Variants in GABRB2 observed in about 807,000 individuals in gnomAD.
GABRB2 encodes the protein gamma-aminobutyric acid receptor subunit beta-2.
A neutral mutation model predicts 54.7 loss-of-function variants in GABRB2; 16 were observed. The observed-to-expected ratio is 0.29, with a 90% CI of 0.20 to 0.44. GABRB2 has a LOEUF of 0.44. GABRB2 is among the 20% of genes least tolerant of loss of function. GABRB2 has a pLI of 1.00. For missense variants in GABRB2, 355 were observed against 644.0 expected, an observed-to-expected ratio of 0.55 and a Z score of 4.86; for synonymous variants, 244 against 233.8, an observed-to-expected ratio of 1.04 and a Z score of -0.40.
chr5:161,374,511 A>G (rs1414918894), intron 5 of GABRB2, among the ~76,000 whole-genome samples: 1 of 152,186 alleles, frequency 6.6e-6, no homozygotes, highest in Non-Finnish European at 1.5e-5. Context: ...AGATCCAATC[A>G]TTTCTTACAA....
intron 4 of GABRB2, among the ~76,000 whole-genome samples, chr5:161,440,937 C>G (rs1374582094): frequency 6.6e-6 from 1 of 152,062 alleles, no homozygotes; most frequent in Non-Finnish European, 1.5e-5. Context: ...TAAACTAGAC[C>G]CCTATGTATC....
At chr5:161,493,978 A>G (rs1759152738) in intron 3 of GABRB2, among the ~76,000 whole-genome samples, 2 of 151,754 alleles carry the variant, frequency 1.3e-5, no homozygotes, top group Admixed American at 1.3e-4. Flanking sequence ...TGATTCCACA[A>G]TGTGTACATA....
intron 4 of GABRB2, among the ~76,000 whole-genome samples, chr5:161,440,846 G>C (rs1159943663): frequency 6.6e-6 from 1 of 152,040 alleles, no homozygotes; most frequent in Non-Finnish European, 1.5e-5. Context: ...TTTGACAAAG[G>C]TGCCTATAAC....
At chr5:161,463,500 A>G (rs1196230461) in intron 3 of GABRB2, among the ~76,000 whole-genome samples, 1 of 141,344 alleles carries the variant, frequency 7.1e-6, no homozygotes, top group African/African-American at 2.6e-5. Flanking sequence ...TTCATTTCAA[A>G]CCCTATCAGG....
intron 3 of GABRB2, among the ~76,000 whole-genome samples, chr5:161,491,085 C>T (rs1003419076): frequency 1.3e-5 from 2 of 151,548 alleles, no homozygotes; most frequent in African/African-American, 2.4e-5. Flanking sequence ...TAATACTTAC[C>T]AAATATGCCC....
At chr5:161,435,307 A>G (rs1200938105) in intron 4 of GABRB2, among the ~76,000 whole-genome samples, 2 of 152,208 alleles carry the variant, frequency 1.3e-5, no homozygotes, top group African/African-American at 4.8e-5. Context: ...AATATGGTAG[A>G]TTATGTAGCC....
At chr5:161,474,453 GT>G (rs1334477086) in intron 3 of GABRB2, among the ~76,000 whole-genome samples, 6 of 151,776 alleles carry the variant, frequency 4.0e-5, no homozygotes, top group African/African-American at 1.4e-4. Flanking sequence ...AATTTTCTTT[GT>G]TACATTTTAA....
Position 161,288,477 on chromosome 5 carries a change from C to G in GABRB2, c.*5604G>C, listed in dbSNP as rs1580948464. 5 of 152,704 alleles carry G rather than the reference C, an allele frequency of 3.3e-5. 1 individual carries two copies. The highest frequency in any genetic ancestry group is 3.3e-4 in the Admixed American group (5 of 15,288). The allele number at this position is 152,704 out of a possible 1,614,324, so 9.5% of individuals were successfully genotyped here. A position where few individuals can be genotyped will look rare whatever the true frequency, so the allele number is the denominator to read the frequency against. The stretch of plus-strand genomic sequence containing the variant: ...TATTTCTTAGTTCAAGAATTACACA[C>G]TAGCCAACATTATTATATATTTACA... On this transcript the variant is annotated 3_prime_UTR_variant, in exon 10 of 10. Coordinates refer to ENST00000393959, the MANE Select transcript of GABRB2 (RefSeq NM_001371727.1).
At chr5:161,333,050 T>G (rs1307727843) in intron 7 of GABRB2, among the ~76,000 whole-genome samples, 1 of 152,220 alleles carries the variant, frequency 6.6e-6, no homozygotes, top group East Asian at 1.9e-4. Context: ...TTGCTGATTT[T>G]ACTACTTATC....
intron 9 of GABRB2, among the ~76,000 whole-genome samples, chr5:161,295,388 T>G (rs1001003230): frequency 6.6e-6 from 1 of 152,238 alleles, no homozygotes; most frequent in African/African-American, 2.4e-5. Context: ...AGGGAAGATT[T>G]GTATGCCTTA....
At chr5:161,506,522 G>C (rs1455881091) in intron 3 of GABRB2, among the ~76,000 whole-genome samples, 2 of 152,006 alleles carry the variant, frequency 1.3e-5, no homozygotes, top group Non-Finnish European at 2.9e-5. Flanking sequence ...TCCACACATT[G>C]TTGTTTTTGT....
At chr5:161,365,675 A>G (rs191350984) in intron 5 of GABRB2, among the ~76,000 whole-genome samples, 8 of 152,282 alleles carry the variant, frequency 5.3e-5, no homozygotes, top group Admixed American at 5.2e-4. Flanking sequence ...TGGAGAGGTT[A>G]AGATATCTGC....
intron 5 of GABRB2, among the ~76,000 whole-genome samples, chr5:161,361,403 A>G (rs1223280078): frequency 6.6e-6 from 1 of 152,096 alleles, no homozygotes; most frequent in Non-Finnish European, 1.5e-5. Flanking sequence ...AGAAATACTT[A>G]TGGATATAAT....
chr5:161,331,841 T>A (rs1372012791), intron 7 of GABRB2, among the ~76,000 whole-genome samples: 1 of 151,854 alleles, frequency 6.6e-6, no homozygotes, highest in Admixed American at 6.6e-5. Context: ...ACAGTGTGGA[T>A]GATGGGGAGA....
chr5:161,541,837 T>A (rs1760828069), intron 3 of GABRB2, among the ~76,000 whole-genome samples: 1 of 152,244 alleles, frequency 6.6e-6, no homozygotes, highest in African/African-American at 2.4e-5. Context: ...GACTACCACT[T>A]TCAATTTCCT....
At position 161,374,261 on chromosome 5, in the gene GABRB2, G is replaced by C. The variant is rs376992321; in HGVS notation, c.541+36714C>G. Among the ~76,000 whole-genome samples, 11 of 152,140 alleles carry C rather than the reference G, an allele frequency of 7.2e-5. No homozygotes were observed. In the East Asian group the frequency reaches 1.7e-3, roughly 24 times the overall value. On this transcript the variant is annotated intron_variant, in intron 5 of 9. Transcript: ENST00000393959. Reference sequence around the variant, plus strand: ...GCCTGGCCCCAGTCTTCTCTTTTGAGCTCTATCCTATTGAATCCAAGTGCC... The same window carrying C: ...GCCTGGCCCCAGTCTTCTCTTTTGACCTCTATCCTATTGAATCCAAGTGCC...
intron 4 of GABRB2, among the ~76,000 whole-genome samples, chr5:161,415,418 T>C (rs1364319463): frequency 2.0e-5 from 3 of 152,202 alleles, no homozygotes; most frequent in Non-Finnish European, 4.4e-5. Context: ...AATTGTATCG[T>C]AAAATATTAA....
At chr5:161,533,939 GC>G (rs1581064803) in intron 3 of GABRB2, among the ~76,000 whole-genome samples, 1 of 152,028 alleles carries the variant, frequency 6.6e-6, no homozygotes, top group South Asian at 2.1e-4. Flanking sequence ...GGTAATATAG[GC>G]AAGTGAAAAC....
chr5:161,449,253 C>G (rs1267473220), intron 4 of GABRB2, among the ~76,000 whole-genome samples: 1 of 152,148 alleles, frequency 6.6e-6, no homozygotes, highest in Non-Finnish European at 1.5e-5. Context: ...TCTCAGTTTC[C>G]TCAGCTATAA....
Sources: allele counts gnomAD v4.1 joint callset (sites outside exome capture counted in the v4.1 genomes callset), GRCh38; gene constraint gnomAD v4.1.1; transcripts MANE v1.5; gene names NCBI Gene and HGNC (gene_info 2026-07-23, HGNC 2026-07-21).